Variants in TAFA1 observed in about 807,000 individuals in gnomAD.
TAFA1 encodes the protein chemokine-like protein TAFA-1.
A neutral mutation model predicts 18.5 loss-of-function variants in TAFA1; 4 were observed. That is an observed-to-expected ratio of 0.22 (90% CI 0.11 to 0.49). The LOEUF is 0.49. Among genes scored for constraint, TAFA1 ranks in the 20% least tolerant of loss-of-function variants. The pLI is 0.98. For synonymous variants in TAFA1, 56 were observed against 55.2 expected (o/e 1.01, Z -0.06); for missense variants, 147 against 169.0 (o/e 0.87, Z 0.72).
intron 2 of TAFA1, among the ~76,000 whole-genome samples, chr3:68,251,086 A>C (rs1265449606): frequency 6.6e-6 from 1 of 152,054 alleles, no homozygotes; most frequent in Non-Finnish European, 1.5e-5. Flanking sequence ...AGAAAAAAAA[A>C]CCAAAATAAA....
intron 2 of TAFA1, among the ~76,000 whole-genome samples, chr3:68,149,282 C>T (rs576976747): frequency 6.6e-6 from 1 of 152,284 alleles, no homozygotes; most frequent in East Asian, 1.9e-4. Context: ...TGTAGAAACT[C>T]TGTTAGTCAC....
At chr3:68,300,385 T>C (rs1055761267) in intron 2 of TAFA1, among the ~76,000 whole-genome samples, 2 of 152,142 alleles carry the variant, frequency 1.3e-5, no homozygotes, top group African/African-American at 2.4e-5. Flanking sequence ...ATTAGCCAAA[T>C]GTGAGAACAA....
intron 2 of TAFA1, among the ~76,000 whole-genome samples, chr3:68,088,828 T>A (rs1383976853): frequency 6.6e-6 from 1 of 152,202 alleles, no homozygotes; most frequent in Non-Finnish European, 1.5e-5. Flanking sequence ...GGAAGGCTAT[T>A]ACTGTTGACA....
intron 2 of TAFA1, among the ~76,000 whole-genome samples, chr3:68,072,262 A>G (rs908141952): frequency 6.6e-6 from 1 of 152,184 alleles, no homozygotes; most frequent in African/African-American, 2.4e-5. Context: ...AGCAGATATC[A>G]TGAGCAACAG....
chr3:68,051,021 C>T (rs768991733), intron 2 of TAFA1, among the ~76,000 whole-genome samples: 2 of 152,104 alleles, frequency 1.3e-5, no homozygotes, highest in African/African-American at 2.4e-5. Flanking sequence ...TCTATGTCAA[C>T]CTGCCTGGTA....
chr3:68,375,418 T>C (rs1235867952), intron 2 of TAFA1, among the ~76,000 whole-genome samples: 1 of 152,122 alleles, frequency 6.6e-6, no homozygotes, highest in African/African-American at 2.4e-5. Context: ...ATTCAGAAAA[T>C]ACATATTGGC....
chr3:68,086,755 C>G (rs571731538), intron 2 of TAFA1, among the ~76,000 whole-genome samples: 8 of 152,230 alleles, frequency 5.3e-5, no homozygotes, highest in African/African-American at 1.7e-4. Flanking sequence ...GCCACACATC[C>G]TATTGTGATA....
intron 3 of TAFA1, among the ~76,000 whole-genome samples, chr3:68,432,981 A>G (rs888709085): frequency 6.6e-6 from 1 of 151,920 alleles, no homozygotes; most frequent in Non-Finnish European, 1.5e-5. Flanking sequence ...AGAGACCCAA[A>G]TAGCTCCCAA....
intron 1 of TAFA1, chr3:68,006,412 G>A: frequency 2.0e-6 from 1 of 511,684 alleles, no homozygotes; most frequent in Non-Finnish European, 3.5e-6. Flanking sequence ...GTTTTGTTTT[G>A]CAGAATTAAG....
intron 2 of TAFA1, among the ~76,000 whole-genome samples, chr3:68,083,959 T>C (rs1264924194): frequency 1.3e-5 from 2 of 152,198 alleles, no homozygotes; most frequent in Non-Finnish European, 2.9e-5. Flanking sequence ...CTGCAAAGAC[T>C]CTTCTTTCCA....
At chr3:68,008,680 GA>G (rs1173224813) in intron 2 of TAFA1, among the ~76,000 whole-genome samples, 1 of 152,176 alleles carries the variant, frequency 6.6e-6, no homozygotes, top group Non-Finnish European at 1.5e-5. Flanking sequence ...TAGCTTCTTT[GA>G]GGAAGTGTGA....
At chr3:68,201,003 C>A in intron 2 of TAFA1, among the ~76,000 whole-genome samples, 1 of 151,580 alleles carries the variant, frequency 6.6e-6, no homozygotes, top group East Asian at 2.0e-4. Flanking sequence ...TATATGCATT[C>A]AATGCTGTAA....
intron 2 of TAFA1, among the ~76,000 whole-genome samples, chr3:68,108,151 T>C (rs2065224058): frequency 6.6e-6 from 1 of 152,140 alleles, no homozygotes; most frequent in Admixed American, 6.6e-5. Flanking sequence ...TATAACTTTA[T>C]GAGAGAGATG....
At chr3:68,015,439 A>G (rs577857412) in intron 2 of TAFA1, among the ~76,000 whole-genome samples, 97 of 152,112 alleles carry the variant, frequency 6.4e-4, no homozygotes, top group African/African-American at 2.1e-3. Context: ...GGCACATGCC[A>G]CCATGCCCAG....
At chr3:68,330,428 C>G (rs2068847187) in intron 2 of TAFA1, among the ~76,000 whole-genome samples, 1 of 152,224 alleles carries the variant, frequency 6.6e-6, no homozygotes, top group Non-Finnish European at 1.5e-5. Flanking sequence ...CAAAGTCACA[C>G]AGGGGGATCT....
chr3:68,192,012 C>T (rs979808386), intron 2 of TAFA1, among the ~76,000 whole-genome samples: 3 of 151,746 alleles, frequency 2.0e-5, no homozygotes, highest in African/African-American at 7.3e-5. Flanking sequence ...GGTTTATCTG[C>T]TTTTGCTTTG....
chr3:68,101,345 A>G (rs1276516665), intron 2 of TAFA1, among the ~76,000 whole-genome samples: 2 of 152,006 alleles, frequency 1.3e-5, no homozygotes, highest in South Asian at 4.1e-4. Flanking sequence ...GTACATGTGC[A>G]CAACGTGCAG....
chr3:68,136,845 A>G (rs2065614431), intron 2 of TAFA1, among the ~76,000 whole-genome samples: 1 of 152,168 alleles, frequency 6.6e-6, no homozygotes, highest in African/African-American at 2.4e-5. Context: ...GTTTGGATCA[A>G]TTAATCTGTA....
At chr3:68,144,707 T>C (rs1003806714) in intron 2 of TAFA1, among the ~76,000 whole-genome samples, 2 of 152,240 alleles carry the variant, frequency 1.3e-5, no homozygotes, top group Non-Finnish European at 2.9e-5. Context: ...CCTGGACTCT[T>C]CTTTAATTTC....
Sources: allele counts gnomAD v4.1 joint callset (sites outside exome capture counted in the v4.1 genomes callset), GRCh38; gene constraint gnomAD v4.1.1; transcripts MANE v1.5; gene names NCBI Gene and HGNC (gene_info 2026-07-23, HGNC 2026-07-21).